The following ASIC2 variants were observed in gnomAD, a reference collection of about 807,000 sequenced individuals.
ASIC2 encodes the protein acid sensing ion channel subunit 2.
A neutral mutation model predicts 57.3 loss-of-function variants in ASIC2; 25 were observed. The ratio of observed to expected loss-of-function variants is 0.44; its 90% CI spans 0.32 to 0.61. The LOEUF (loss-of-function observed/expected upper bound fraction) is 0.61, where lower values mean the gene tolerates loss of function less well. Ranked by LOEUF, ASIC2 falls within the 20% of genes least tolerant of loss-of-function variation. The pLI, the probability that ASIC2 is intolerant of heterozygous loss-of-function variation, is 0.06. For missense variants in ASIC2, 641 were observed against 738.1 expected (o/e 0.87, Z 1.52); for synonymous variants, 319 against 307.5 (o/e 1.04, Z -0.39).
intron 1 of ASIC2, among the ~76,000 whole-genome samples, chr17:33,289,629 T>C (rs1905336503): frequency 6.6e-6 from 1 of 152,240 alleles, no homozygotes; most frequent in South Asian, 2.1e-4. Flanking sequence ...ACTTTGAACT[T>C]GCTGGCTCTG....
chr17:33,428,180 GTTTTAAGTCATTT>G (rs1391872747), intron 1 of ASIC2, among the ~76,000 whole-genome samples: 1 of 152,124 alleles, frequency 6.6e-6, no homozygotes, highest in Non-Finnish European at 1.5e-5. Flanking sequence ...CATACGTTTT[GTTTTAAGTCATTT>G]TTTTGGAGTA....
intron 1 of ASIC2, among the ~76,000 whole-genome samples, chr17:33,472,102 C>A (rs190749212): frequency 1.3e-5 from 2 of 151,622 alleles, no homozygotes; most frequent in East Asian, 3.9e-4. Context: ...TCACTGCAAC[C>A]TCCACCTCCT....
intron 1 of ASIC2, among the ~76,000 whole-genome samples, chr17:33,735,343 G>A (rs75098189): frequency 0.067 from 10,232 of 152,198 alleles, 409 homozygotes; most frequent in East Asian, 0.15. Context: ...GCATAAGTGG[G>A]CAGTGTGAAG....
At chr17:33,397,453 T>C (rs958569747) in intron 1 of ASIC2, among the ~76,000 whole-genome samples, 2 of 152,198 alleles carry the variant, frequency 1.3e-5, no homozygotes, top group Non-Finnish European at 2.9e-5. Context: ...ATGCAGCAGG[T>C]GCTCAGTAAA....
intron 1 of ASIC2, among the ~76,000 whole-genome samples, chr17:33,501,525 C>T (rs57926310): frequency 0.39 from 59,444 of 152,088 alleles, 12,053 homozygotes; most frequent in Non-Finnish European, 0.46. Context: ...GTGTTGAAAC[C>T]TGTTAGTGCT....
At chr17:34,071,506 G>A (rs750961588) in intron 1 of ASIC2, 1 of 152,164 alleles carries the variant, frequency 6.6e-6, no homozygotes, top group African/African-American at 2.4e-5. Context: ...AGAAGAGGGG[G>A]CGGGGAGATA....
intron 1 of ASIC2, among the ~76,000 whole-genome samples, chr17:33,158,717 C>T (rs1400143207): frequency 2.0e-5 from 3 of 152,230 alleles, no homozygotes; most frequent in African/African-American, 4.8e-5. Context: ...GCAAGCCGTT[C>T]AGTCTCTCTG....
chr17:33,221,709 G>A (rs1030563787), intron 1 of ASIC2, among the ~76,000 whole-genome samples: 1 of 152,036 alleles, frequency 6.6e-6, no homozygotes, highest in Non-Finnish European at 1.5e-5. Context: ...TTTAATTTTT[G>A]TTTGAGCTTT....
chr17:33,652,153 T>G (rs1241999395), intron 1 of ASIC2, among the ~76,000 whole-genome samples: 2 of 152,160 alleles, frequency 1.3e-5, no homozygotes, highest in African/African-American at 4.8e-5. Context: ...ATTTAGGTCC[T>G]TGGACAATAG....
upstream of ASIC2, among the ~76,000 whole-genome samples, chr17:33,293,436 C>T (rs1442562514): frequency 1.4e-5 from 2 of 142,760 alleles, no homozygotes; most frequent in East Asian, 4.9e-4. Flanking sequence ...TTGCTGGAGT[C>T]GGCCGGGTGC....
chr17:33,419,228 G>T (rs1327570164), intron 1 of ASIC2, among the ~76,000 whole-genome samples: 2 of 152,234 alleles, frequency 1.3e-5, no homozygotes, highest in Non-Finnish European at 2.9e-5. Flanking sequence ...CGGCTAAGGT[G>T]ACTCATAAAT....
At chr17:33,992,245 T>G (rs890836206) in intron 1 of ASIC2, among the ~76,000 whole-genome samples, 2 of 152,232 alleles carry the variant, frequency 1.3e-5, no homozygotes, top group African/African-American at 4.8e-5. Flanking sequence ...TCTCTCCTTT[T>G]GGGCAGAATT....
At chr17:33,522,420 G>A (rs1033707886) in intron 1 of ASIC2, among the ~76,000 whole-genome samples, 2 of 152,224 alleles carry the variant, frequency 1.3e-5, no homozygotes, top group African/African-American at 4.8e-5. Context: ...ACCTGTGGGG[G>A]GCCCTGAGGT....
intron 1 of ASIC2, among the ~76,000 whole-genome samples, chr17:34,059,870 G>A (rs1597999547): frequency 6.6e-6 from 1 of 152,132 alleles, no homozygotes; most frequent in African/African-American, 2.4e-5. Flanking sequence ...GATCAGACAG[G>A]CCTAGCCACG....
chr17:34,019,199 G>A (rs556664815), intron 1 of ASIC2, among the ~76,000 whole-genome samples: 81 of 152,152 alleles, frequency 5.3e-4, no homozygotes, highest in Non-Finnish European at 9.0e-4. Flanking sequence ...GAGCCACCAC[G>A]CCTGGCCAAA....
chr17:33,608,319 G>T (rs993690608), intron 1 of ASIC2, among the ~76,000 whole-genome samples: 2 of 152,162 alleles, frequency 1.3e-5, no homozygotes, highest in East Asian at 1.9e-4. Context: ...GTATGGGGTA[G>T]ATCTGGGTTT....
chr17:33,716,036 T>C (rs901472718), intron 1 of ASIC2, among the ~76,000 whole-genome samples: 25 of 152,136 alleles, frequency 1.6e-4, no homozygotes, highest in African/African-American at 5.8e-4. Flanking sequence ...AATCAATTGA[T>C]CACTAAATGC....
rs542833191 is a variant in ASIC2, at chr17:33,072,065, C to A, written c.987+16798G>T. Among the ~76,000 whole-genome samples, 6 of 152,220 alleles carry A rather than the reference C, an allele frequency of 3.9e-5. No homozygotes were observed. The South Asian group carries it at 6.2e-4, about 16-fold the overall frequency. On this transcript the variant is annotated intron_variant, in intron 3 of 9. Coordinates refer to ENST00000225823, the MANE Select transcript of ASIC2 (RefSeq NM_183377.2). ...AGTTCTGTCTCTGTGAAGTCCTCTC[C>A]TCTCTGGTGCTCTGTCCTGTGAACT...
At chr17:33,334,939 T>C (rs576718579) in intron 1 of ASIC2, among the ~76,000 whole-genome samples, 60 of 152,280 alleles carry the variant, frequency 3.9e-4, no homozygotes, top group South Asian at 1.7e-3. Flanking sequence ...GTGTAAAGTA[T>C]TAGGAGATAA....
Sources: allele counts gnomAD v4.1 joint callset (sites outside exome capture counted in the v4.1 genomes callset), GRCh38; gene constraint gnomAD v4.1.1; transcripts MANE v1.5; gene names NCBI Gene and HGNC (gene_info 2026-07-23, HGNC 2026-07-21).